The following TMEM131 variants were observed in gnomAD, a reference collection of about 807,000 sequenced individuals.
TMEM131 encodes the protein transmembrane protein 131, also known as 2610524E03Rik.
Under a neutral mutation model 211.6 loss-of-function variants are expected in TMEM131, and 66 were observed. The ratio of observed to expected loss-of-function variants is 0.31; its 90% CI spans 0.26 to 0.38. The LOEUF is 0.38. TMEM131 is among the 10% of genes least tolerant of loss of function. TMEM131 has a pLI of 1.00. For missense variants in TMEM131, 2,036 were observed against 2,299.3 expected, an observed-to-expected ratio of 0.89 and a Z score of 2.34; for synonymous variants, 844 against 841.3, an observed-to-expected ratio of 1.00 and a Z score of -0.06.
At chr2:97,972,663 G>A (rs1483130995) in intron 1 of TMEM131, among the ~76,000 whole-genome samples, 1 of 152,180 alleles carries the variant, frequency 6.6e-6, no homozygotes, top group Non-Finnish European at 1.5e-5. Flanking sequence ...GGGGAATTAA[G>A]CTCCCAGATG....
At chr2:97,872,105 A>G (rs1424060986) in intron 4 of TMEM131, among the ~76,000 whole-genome samples, 1 of 152,142 alleles carries the variant, frequency 6.6e-6, no homozygotes, top group Non-Finnish European at 1.5e-5. Context: ...ATTTAAACAA[A>G]AAGTCTGAAA....
chr2:97,833,753 G>A (rs1034902650), intron 10 of TMEM131, among the ~76,000 whole-genome samples: 2 of 151,506 alleles, frequency 1.3e-5, no homozygotes, highest in Non-Finnish European at 2.9e-5. Context: ...AGCCTCCTGG[G>A]TTCAAGTGAT....
chr2:97,866,652 A>ATGTTTTTG (rs543424077), intron 4 of TMEM131, among the ~76,000 whole-genome samples: 74 of 152,096 alleles, frequency 4.9e-4, no homozygotes, highest in African/African-American at 1.5e-3. Context: ...CTTCCCAGCA[A>ATGTTTTTG]TGTTTTTGCT....
At chr2:97,885,863 G>GTT (rs1675135873) in intron 4 of TMEM131, among the ~76,000 whole-genome samples, 1 of 152,142 alleles carries the variant, frequency 6.6e-6, no homozygotes, top group Non-Finnish European at 1.5e-5. Flanking sequence ...CATTAAGTAT[G>GTT]TTTTCTAAGC....
chr2:97,992,885 T>C (rs1021255626), intron 1 of TMEM131, among the ~76,000 whole-genome samples: 2 of 152,176 alleles, frequency 1.3e-5, no homozygotes, highest in African/African-American at 4.8e-5. Context: ...CTCTGGAAAC[T>C]CTTTCAAAGT....
At chr2:97,855,314 G>A (rs1396775316) in intron 5 of TMEM131, among the ~76,000 whole-genome samples, 1 of 152,174 alleles carries the variant, frequency 6.6e-6, no homozygotes, top group Non-Finnish European at 1.5e-5. Context: ...ACCATTATTA[G>A]GTTATCCAGT....
intron 5 of TMEM131, among the ~76,000 whole-genome samples, chr2:97,852,540 G>C (rs1249546232): frequency 6.6e-6 from 1 of 152,234 alleles, no homozygotes; most frequent in Non-Finnish European, 1.5e-5. Context: ...TGAGAGAGGG[G>C]AGGAAGCTGC....
intron 1 of TMEM131, among the ~76,000 whole-genome samples, chr2:97,952,034 G>A (rs908880214): frequency 1.3e-5 from 2 of 152,018 alleles, no homozygotes; most frequent in Admixed American, 6.6e-5. Flanking sequence ...GCGCACGCCT[G>A]TAATCCCAGC....
At chr2:97,794,811 A>C (rs1680682696) in intron 29 of TMEM131, 119 bp downstream of exon 29, 1 of 751,988 alleles carries the variant, frequency 1.3e-6, no homozygotes, top group Non-Finnish European at 2.0e-6. Context: ...ATAAAGGCAG[A>C]GTTCTGTCTT....
At chr2:97,888,659 C>G (rs1407364751) in intron 3 of TMEM131, among the ~76,000 whole-genome samples, 1 of 152,196 alleles carries the variant, frequency 6.6e-6, no homozygotes, top group Admixed American at 6.5e-5. Context: ...ATTACAGTAG[C>G]ATCTTCTAAC....
At chr2:97,896,751 T>C (rs1347035254) in intron 3 of TMEM131, among the ~76,000 whole-genome samples, 1 of 152,120 alleles carries the variant, frequency 6.6e-6, no homozygotes, top group Non-Finnish European at 1.5e-5. Flanking sequence ...AGTTTTAAAC[T>C]TGATCTTCAA....
chr2:97,850,709 T>G (rs1673588619), intron 5 of TMEM131, among the ~76,000 whole-genome samples: 1 of 151,908 alleles, frequency 6.6e-6, no homozygotes, highest in South Asian at 2.1e-4. Flanking sequence ...TGTATCCACC[T>G]AAAAAAAATC....
chr2:97,917,005 AGAT>A (rs1676535187), intron 2 of TMEM131, among the ~76,000 whole-genome samples: 1 of 152,230 alleles, frequency 6.6e-6, no homozygotes, highest in Non-Finnish European at 1.5e-5. Context: ...TTAAAACAAA[AGAT>A]GAGTACTTCT....
In TMEM131 at chr2:97,760,393, C is replaced by A. The variant is rs550144445; in HGVS notation, c.5108+200G>T. ...TGGGTGCCCCCTTTCTCTATCTGGACCCCCTGGGGAAGGCACCGCAGCCGG... is the reference window on the plus strand; with the variant it reads ...TGGGTGCCCCCTTTCTCTATCTGGAACCCCTGGGGAAGGCACCGCAGCCGG... On this transcript the variant is annotated intron_variant, in intron 38 of 40. Coordinates refer to ENST00000186436, the MANE Select transcript of TMEM131 (RefSeq NM_015348.2). 1,252 of 592,670 alleles carry A rather than the reference C, an allele frequency of 2.1e-3. 6 individuals carry two copies. The highest frequency in any genetic ancestry group is 3.3e-3 in the South Asian group (166 of 50,244). 36.7% of individuals were successfully genotyped at this position (592,670 alleles called of 1,614,324 possible). A position where few individuals can be genotyped will look rare whatever the true frequency, so the allele number is the denominator to read the frequency against.
At chr2:97,847,720 G>A (rs1683514941) in intron 5 of TMEM131, among the ~76,000 whole-genome samples, 1 of 152,294 alleles carries the variant, frequency 6.6e-6, no homozygotes, top group Admixed American at 6.5e-5. Context: ...TAGAAAAACT[G>A]ATGAAATTCA....
At chr2:97,778,714 G>A (rs1003239624) in intron 31 of TMEM131, among the ~76,000 whole-genome samples, 2 of 152,152 alleles carry the variant, frequency 1.3e-5, no homozygotes, top group Admixed American at 1.3e-4. Flanking sequence ...TGAAGCCCAT[G>A]ATGCCTATCA....
intron 31 of TMEM131, among the ~76,000 whole-genome samples, chr2:97,785,403 T>G (rs1680199964): frequency 6.6e-6 from 1 of 152,080 alleles, no homozygotes; most frequent in African/African-American, 2.4e-5. Flanking sequence ...AGATGTCAAA[T>G]AAGCACATGA....
intron 1 of TMEM131, among the ~76,000 whole-genome samples, chr2:97,992,861 A>G (rs1011154776): frequency 1.3e-5 from 2 of 152,238 alleles, no homozygotes; most frequent in Non-Finnish European, 2.9e-5. Flanking sequence ...TGTAGTGATT[A>G]TAACAACTTC....
chr2:97,877,656 C>A (rs796103696), intron 4 of TMEM131, among the ~76,000 whole-genome samples: 29 of 152,216 alleles, frequency 1.9e-4, no homozygotes, highest in African/African-American at 7.0e-4. Flanking sequence ...TAGCCATATG[C>A]AGAAAACTGA....
Sources: gnomAD v4.1 joint callset for allele counts (sites outside exome capture counted in the v4.1 genomes callset) on GRCh38, gnomAD v4.1.1 for gene constraint, MANE v1.5 for transcripts, NCBI Gene and HGNC (gene_info 2026-07-23, HGNC 2026-07-21) for gene names.